The following TEC variants were observed in gnomAD, a reference collection of about 807,000 sequenced individuals.
TEC encodes tyrosine-protein kinase Tec.
In TEC, 72 loss-of-function variants were observed where a neutral mutation model predicts 93.0. The ratio of observed to expected loss-of-function variants is 0.77; its 90% CI spans 0.64 to 0.94. The LOEUF is 0.94. TEC is among the 40% of genes least tolerant of loss of function. TEC has a pLI of 0.00. For synonymous variants in TEC, 249 were observed against 247.7 expected, an observed-to-expected ratio of 1.01 and a Z score of -0.05; for missense variants, 630 against 757.9, an observed-to-expected ratio of 0.83 and a Z score of 1.98.
chr4:48,241,150 G>C (rs1312205531), intron 1 of TEC, among the ~76,000 whole-genome samples: 1 of 151,828 alleles, frequency 6.6e-6, no homozygotes, highest in Non-Finnish European at 1.5e-5. Flanking sequence ...GAACTTTCCT[G>C]TTCTTTGCTC....
At chr4:48,159,528 G>A (rs1720537426) in intron 8 of TEC, among the ~76,000 whole-genome samples, 1 of 151,842 alleles carries the variant, frequency 6.6e-6, no homozygotes, top group South Asian at 2.1e-4. Flanking sequence ...AAGTAGCTGG[G>A]ACTACAACTA....
chr4:48,194,189 A>T (rs1455700441), intron 2 of TEC, among the ~76,000 whole-genome samples: 2 of 152,208 alleles, frequency 1.3e-5, no homozygotes, highest in African/African-American at 4.8e-5. Flanking sequence ...GGTGCATCGA[A>T]AGGCTCACAG....
intron 14 of TEC, among the ~76,000 whole-genome samples, chr4:48,142,837 C>T (rs928674964): frequency 5.3e-5 from 8 of 152,108 alleles, no homozygotes; most frequent in African/African-American, 7.2e-5. Flanking sequence ...TCTGCCACCA[C>T]GCCTGGCTAA....
At chr4:48,154,719 T>C (rs1720324154) in intron 9 of TEC, among the ~76,000 whole-genome samples, 1 of 152,074 alleles carries the variant, frequency 6.6e-6, no homozygotes, top group Admixed American at 6.6e-5. Flanking sequence ...ATGGAACTTG[T>C]CCCAGCAGGG....
intron 2 of TEC, among the ~76,000 whole-genome samples, chr4:48,186,198 G>C (rs969627400): frequency 2.0e-5 from 3 of 152,174 alleles, no homozygotes; most frequent in African/African-American, 4.8e-5. Flanking sequence ...GCGTGATCTC[G>C]GCTCGTTACA....
At chr4:48,214,940 G>C (rs60145199) in intron 2 of TEC, among the ~76,000 whole-genome samples, 1 of 151,980 alleles carries the variant, frequency 6.6e-6, no homozygotes, top group Non-Finnish European at 1.5e-5. Context: ...GTGACAAGAA[G>C]TGAGGAATTC....
intron 1 of TEC, among the ~76,000 whole-genome samples, chr4:48,244,220 A>G (rs897924907): frequency 6.6e-6 from 1 of 152,240 alleles, no homozygotes; most frequent in African/African-American, 2.4e-5. Flanking sequence ...ACTATTTAAA[A>G]GAAACTAAAA....
chr4:48,241,878 T>G (rs547879863), intron 1 of TEC, among the ~76,000 whole-genome samples: 2 of 152,340 alleles, frequency 1.3e-5, no homozygotes, highest in Non-Finnish European at 2.9e-5. Flanking sequence ...TCCACAGAAA[T>G]AATTTGAGAC....
intron 2 of TEC, among the ~76,000 whole-genome samples, chr4:48,212,765 C>A (rs957710948): frequency 6.6e-6 from 1 of 152,254 alleles, no homozygotes; most frequent in Non-Finnish European, 1.5e-5. Flanking sequence ...GGTAAGAACG[C>A]CAGGTCTCAA....
intron 2 of TEC, among the ~76,000 whole-genome samples, chr4:48,183,177 C>T (rs150989531): frequency 1.3e-5 from 2 of 152,308 alleles, no homozygotes; most frequent in East Asian, 1.9e-4. Flanking sequence ...ATAAGCCATA[C>T]GACCTAGGGC....
At chr4:48,201,220 A>G (rs1369942156) in intron 2 of TEC, among the ~76,000 whole-genome samples, 2 of 152,200 alleles carry the variant, frequency 1.3e-5, no homozygotes, top group Non-Finnish European at 2.9e-5. Context: ...GGCACAAGCA[A>G]CTGGGTAGAC....
chr4:48,218,423 C>T (rs1723147940), intron 2 of TEC, among the ~76,000 whole-genome samples: 1 of 152,178 alleles, frequency 6.6e-6, no homozygotes, highest in South Asian at 2.1e-4. Flanking sequence ...GCCTGAGCCA[C>T]CACACCTGCC....
At chr4:48,260,106 C>T (rs756682171) in intron 1 of TEC, among the ~76,000 whole-genome samples, 1 of 152,214 alleles carries the variant, frequency 6.6e-6, no homozygotes, top group African/African-American at 2.4e-5. Flanking sequence ...CTGCAAATGA[C>T]CTGTCAGGTT....
chr4:48,263,693 T>A (rs1445623600), intron 1 of TEC, among the ~76,000 whole-genome samples: 1 of 151,892 alleles, frequency 6.6e-6, no homozygotes, highest in Non-Finnish European at 1.5e-5. Flanking sequence ...CGAGACTGTC[T>A]CCACCCCCGC....
rs138464239 is a variant in TEC, at chr4:48,142,641, G to A, written c.1471-1222C>T. ...TAAGAAAATAGTTTGATAGAAAGACGTGGTATTTCTCAAAAGGAAGACAAG... is the reference window on the plus strand; with the variant it reads ...TAAGAAAATAGTTTGATAGAAAGACATGGTATTTCTCAAAAGGAAGACAAG... On this transcript the variant is annotated intron_variant, in intron 14 of 17. Transcript: ENST00000381501. Among the ~76,000 whole-genome samples, 311 of 152,150 alleles carry A rather than the reference G, an allele frequency of 2.0e-3. 1 individual carries two copies. Among genetic ancestry groups the A allele is most frequent in the Admixed American group, 3.6e-3 (55 of 15,284 alleles).
At chr4:48,220,207 C>T (rs1362831461) in intron 2 of TEC, among the ~76,000 whole-genome samples, 2 of 151,296 alleles carry the variant, frequency 1.3e-5, no homozygotes, top group Non-Finnish European at 3.0e-5. Context: ...ATATCCAGTG[C>T]ATCCAGCCAT....
In TEC at chr4:48,146,403, A is replaced by G. The variant is rs1336502666; in HGVS notation, c.1007-4T>C. ...TACCGAAGCCTGGTGACAAGTCCTAATAATCAAAGAAAGCGTTGCAGTCAA... is the reference window on the plus strand; with the variant it reads ...TACCGAAGCCTGGTGACAAGTCCTAGTAATCAAAGAAAGCGTTGCAGTCAA... On this transcript the variant is annotated splice_region_variant and splice_polypyrimidine_tract_variant and intron_variant, in intron 11 of 17. Transcript: ENST00000381501. The G allele has an allele frequency of 6.2e-7, 1 of 1,613,394 alleles. No individual in the cohort carries two copies. The highest frequency in any genetic ancestry group is 8.5e-7 in the Non-Finnish European group (1 of 1,179,462).
intron 1 of TEC, among the ~76,000 whole-genome samples, chr4:48,265,037 C>T (rs1347237576): frequency 6.6e-6 from 1 of 151,880 alleles, no homozygotes; most frequent in Admixed American, 6.6e-5. Flanking sequence ...GAGAAGAAAC[C>T]TAAACAAATG....
chr4:48,210,653 C>G (rs553844321), intron 2 of TEC, among the ~76,000 whole-genome samples: 1 of 152,144 alleles, frequency 6.6e-6, no homozygotes. Context: ...CCACAGCAGA[C>G]GACCCCCAAC....
Sources: allele counts gnomAD v4.1 joint callset (sites outside exome capture counted in the v4.1 genomes callset), GRCh38; gene constraint gnomAD v4.1.1; transcripts MANE v1.5; gene names NCBI Gene and HGNC (gene_info 2026-07-23, HGNC 2026-07-21).